Variants in SI observed in about 807,000 individuals in gnomAD.
SI encodes the protein sucrase-isomaltase, intestinal.
Under a neutral mutation model 253.3 loss-of-function variants are expected in SI, and 235 were observed. The ratio of observed to expected loss-of-function variants is 0.93; its 90% CI spans 0.83 to 1.03. The LOEUF is 1.03. Among genes scored for constraint, SI ranks in the 50% least tolerant of loss-of-function variants. The probability of loss-of-function intolerance (pLI) is 0.00; values close to 1 mark genes in which losing one functional copy is unlikely to be tolerated. For synonymous variants in SI, 819 were observed against 712.0 expected (o/e 1.15, Z -2.39); for missense variants, 2,442 against 2,211.1 (o/e 1.10, Z -2.09).
intron 18 of SI, among the ~76,000 whole-genome samples, 200 bp from the exon 19 acceptor site, chr3:165,040,171 G>T (rs1344240373): frequency 6.6e-6 from 1 of 151,054 alleles, no homozygotes; most frequent in Non-Finnish European, 1.5e-5. Context: ...AGGAAGGGAA[G>T]AAGGAAGAAG....
chr3:165,044,560 T>C (rs1276953868), intron 16 of SI, among the ~76,000 whole-genome samples: 3 of 152,042 alleles, frequency 2.0e-5, no homozygotes, highest in Non-Finnish European at 4.4e-5. Flanking sequence ...TAGATTACTC[T>C]TTCTATAGAA....
At chr3:165,002,125 G>A (rs1167367651) in intron 37 of SI, among the ~76,000 whole-genome samples, 3 of 151,448 alleles carry the variant, frequency 2.0e-5, no homozygotes, top group Non-Finnish European at 4.4e-5. Context: ...CATCTTTAAA[G>A]CTTTTGGTAA....
At chr3:165,005,972 G>A (rs2108153199) in intron 37 of SI, among the ~76,000 whole-genome samples, 1 of 152,232 alleles carries the variant, frequency 6.6e-6, no homozygotes, top group Admixed American at 6.5e-5. Flanking sequence ...TTGATTTTCA[G>A]TGAATGGTCT....
At chr3:165,084,672 T>A in the SI span, among the ~76,000 whole-genome samples, 346 of 152,112 alleles carry the variant, frequency 2.3e-3, 1 homozygote, top group African/African-American at 7.4e-3. Context: ...AGCTTGTTAA[T>A]AATTTTCTTT....
At chr3:165,067,567 G>T (rs1467538366) in intron 5 of SI, 76 bp from the exon 6 acceptor site, 5 of 1,243,212 alleles carry the variant, frequency 4.0e-6, no homozygotes, top group Non-Finnish European at 5.9e-6. Context: ...ATTATTAAAT[G>T]CAAGTTCCAA....
Position 165,015,168 on chromosome 3 carries a change from A to G in SI, c.3954T>C (p.Asp1318=). The G allele has an allele frequency of 6.2e-7, 1 of 1,613,598 alleles. No homozygotes were observed. The highest frequency in any genetic ancestry group is 8.5e-7 in the Non-Finnish European group (1 of 1,179,698). Residue 1318 remains aspartate (D), a synonymous_variant, in exon 33 of 48, where the codon GAT becomes GAC. Coordinates refer to ENST00000264382, the MANE Select transcript of SI (RefSeq NM_001041.4). ...TGGTGTTTGGCCATTTGACAAAGAC[A>G]TCATTCTGCTGTCCTCTTTCAAATG... ...YPAFERGQQN[D]VFVKWPNTND... is the part of the protein sequence containing the mutation.
intron 31 of SI, 104 bp from the exon 32 acceptor site, chr3:165,016,184 T>C (rs1403090685): frequency 1.0e-6 from 1 of 997,792 alleles, no homozygotes; most frequent in African/African-American, 1.6e-5. Context: ...AAAGTTTGAG[T>C]TCCTCTTCAC....
chr3:165,058,474 A>G (rs1407788339), intron 12 of SI, among the ~76,000 whole-genome samples: 1 of 152,006 alleles, frequency 6.6e-6, no homozygotes, highest in East Asian at 1.9e-4. Flanking sequence ...CAAACAGTAC[A>G]AAACAGCAAC....
At chr3:164,986,942 G>C (rs1385888842) in intron 45 of SI, among the ~76,000 whole-genome samples, 196 bp downstream of exon 45, 1 of 152,094 alleles carries the variant, frequency 6.6e-6, no homozygotes, top group African/African-American at 2.4e-5. Context: ...ACTATATTTA[G>C]GATAAGAGAA....
chr3:165,051,642 A>C (rs2108236183), intron 13 of SI, among the ~76,000 whole-genome samples: 1 of 152,184 alleles, frequency 6.6e-6, no homozygotes, highest in South Asian at 2.1e-4. Context: ...TTTAAATTTT[A>C]AAAGAGTCTT....
At chr3:165,056,786 C>T (rs1411737462) in intron 12 of SI, among the ~76,000 whole-genome samples, 1 of 152,098 alleles carries the variant, frequency 6.6e-6, no homozygotes, top group Non-Finnish European at 1.5e-5. Context: ...CCTCCTAAAG[C>T]AGATACAGCT....
intron 42 of SI, 31 bp downstream of exon 42, chr3:164,992,282 T>G (rs536119334): frequency 6.2e-7 from 1 of 1,612,080 alleles, no homozygotes; most frequent in South Asian, 1.1e-5. Context: ...CAAAGAAAAT[T>G]GTGTAAACAA....
chr3:165,047,425 C>T (rs955560460), intron 15 of SI, among the ~76,000 whole-genome samples: 2 of 152,028 alleles, frequency 1.3e-5, no homozygotes, highest in Admixed American at 1.3e-4. Context: ...TAGTAAATTG[C>T]CCAGTCTCAG....
Position 165,013,008 on chromosome 3 carries a change from T to C in SI, c.4034A>G (p.Lys1345Arg). 6.2e-7 allele frequency: 1 copy of C among 1,610,598 alleles called. No homozygotes were observed. The highest frequency in any genetic ancestry group is 8.5e-7 in the Non-Finnish European group (1 of 1,177,000). ...WPDLPNITID[K>R]TLTEDEAVNA... ...AACAGCTTCATCTTCCGTTAGAGTT[T>C]TATCTATTGTTATGTTGGGCAAATC... is the stretch of plus-strand genomic sequence containing the variant. Residue 1345 changes from lysine to arginine, a missense_variant, in exon 34 of 48, where the codon AAA (lysine) becomes AGA (arginine). Lys to Arg is a conservative substitution (Grantham distance 26). Coordinates refer to ENST00000264382, the MANE Select transcript of SI (RefSeq NM_001041.4).
chr3:165,023,704 G>A lies in SI; in HGVS notation c.2965C>T (p.Arg989Cys), dbSNP rs764857009. Residue 989 changes from arginine (R) to cysteine (C), a missense_variant, in exon 26 of 48, where the codon CGC (arginine) becomes TGC (cysteine). Coordinates refer to ENST00000264382, the MANE Select transcript of SI (RefSeq NM_001041.4). ...QDNSYSVNSA[R>C]YSSMGITADL... ...GCTGTTATACCCATGGATGAATAGC[G>A]AGCTGAGTTGACTGAATAAGAGTTA... The A allele has an allele frequency of 8.1e-6, 13 of 1,610,582 alleles. No homozygotes were observed. Among genetic ancestry groups the A allele is most frequent in the Admixed American group, 3.4e-5 (2 of 59,630 alleles).
intron 34 of SI, among the ~76,000 whole-genome samples, chr3:165,011,360 T>G (rs1718759311): frequency 6.6e-6 from 1 of 152,156 alleles, no homozygotes; most frequent in African/African-American, 2.4e-5. Flanking sequence ...TTTTTGTTGT[T>G]CCACTGGCTG....
intron 37 of SI, among the ~76,000 whole-genome samples, chr3:164,999,307 T>C (rs1718158251): frequency 6.6e-6 from 1 of 151,696 alleles, no homozygotes; most frequent in South Asian, 2.1e-4. Context: ...GACATGCATG[T>C]TAAAATATGT....
At position 165,040,977 on chromosome 3, in the gene SI, C is replaced by T. The variant is rs1172969402; in HGVS notation, c.2122G>A (p.Val708Met). The T allele has an allele frequency of 3.1e-6, 5 of 1,612,148 alleles. No individual in the cohort carries two copies. In the African/African-American group the frequency reaches 6.7e-5, roughly 22 times the overall value. The change falls in exon 18 of 48, where the codon GTG (valine) becomes ATG (methionine). Residue 708 changes from valine to methionine, a missense_variant. Val to Met is a conservative substitution (Grantham distance 21). Transcript: ENST00000264382. ...GGTCTTGCTACTGTTTCTCCAAACA[C>T]ATGGGCTTTATAAAACAGAGTGTAG... The part of the protein sequence containing the change: ...FLYTLFYKAH[V>M]FGETVARPVL...
chr3:165,053,881 C>G (rs1248855177), intron 13 of SI, among the ~76,000 whole-genome samples: 9 of 151,932 alleles, frequency 5.9e-5, no homozygotes, highest in Admixed American at 3.3e-4. Flanking sequence ...AAATAAAGCT[C>G]AAGATCACAG....
Sources: gnomAD v4.1 joint callset for allele counts (sites outside exome capture counted in the v4.1 genomes callset) on GRCh38, gnomAD v4.1.1 for gene constraint, MANE v1.5 for transcripts, NCBI Gene and HGNC (gene_info 2026-07-23, HGNC 2026-07-21) for gene names.